LRRC4C: variants seen among roughly 807,000 people sequenced by gnomAD.
LRRC4C encodes leucine-rich repeat-containing protein 4C.
Under a neutral mutation model 33.6 loss-of-function variants are expected in LRRC4C, and 5 were observed. The ratio of observed to expected loss-of-function variants is 0.15; its 90% CI spans 0.08 to 0.31. The LOEUF (loss-of-function observed/expected upper bound fraction) is 0.31, where lower values mean the gene tolerates loss of function less well. LRRC4C is among the 10% of genes least tolerant of loss of function. The pLI is 1.00. For missense variants in LRRC4C, 560 were observed against 796.7 expected, an observed-to-expected ratio of 0.70 and a Z score of 3.58; for synonymous variants, 329 against 302.0, an observed-to-expected ratio of 1.09 and a Z score of -0.93.
chr11:40,440,299 C>CTTTT (rs66998647), intron 3 of LRRC4C, among the ~76,000 whole-genome samples: 1 of 131,862 alleles, frequency 7.6e-6, no homozygotes, highest in Non-Finnish European at 1.6e-5. Context: ...TGGTCTCTTT[C>CTTTT]TTTTTTTTTT....
chr11:40,349,808 T>G (rs34805033), intron 3 of LRRC4C, among the ~76,000 whole-genome samples: 24,330 of 152,102 alleles, frequency 0.16, 2,273 homozygotes, highest in East Asian at 0.3. Flanking sequence ...TCGATTTGCA[T>G]TTCTCTGATG....
At chr11:40,430,549 T>C (rs1950880801) in intron 3 of LRRC4C, among the ~76,000 whole-genome samples, 1 of 152,086 alleles carries the variant, frequency 6.6e-6, no homozygotes, top group Non-Finnish European at 1.5e-5. Flanking sequence ...ATAGATACAA[T>C]TGTCTTCCTA....
intron 1 of LRRC4C, among the ~76,000 whole-genome samples, chr11:41,113,592 A>G (rs1464238540): frequency 6.6e-6 from 1 of 152,086 alleles, no homozygotes; most frequent in Non-Finnish European, 1.5e-5. Flanking sequence ...AGAAGATATA[A>G]TAAAATCTTG....
intron 1 of LRRC4C, among the ~76,000 whole-genome samples, chr11:41,151,690 A>C (rs548348165): frequency 6.6e-6 from 1 of 152,208 alleles, no homozygotes; most frequent in Non-Finnish European, 1.5e-5. Flanking sequence ...ATATTCTGTC[A>C]ACAACCATTA....
chr11:40,138,372 T>C (rs1857131615), intron 6 of LRRC4C, among the ~76,000 whole-genome samples: 1 of 152,180 alleles, frequency 6.6e-6, no homozygotes, highest in South Asian at 2.1e-4. Context: ...GGTCTTGCTA[T>C]GTTGTCCAGG....
intron 5 of LRRC4C, among the ~76,000 whole-genome samples, chr11:40,199,294 C>A (rs1862515189): frequency 6.6e-6 from 1 of 152,168 alleles, no homozygotes. Context: ...TGGCCTCGAA[C>A]TCCTGACCTC....
intron 1 of LRRC4C, among the ~76,000 whole-genome samples, chr11:41,451,006 T>A (rs1015395188): frequency 2.6e-5 from 4 of 152,114 alleles, no homozygotes; most frequent in Admixed American, 2.6e-4. Flanking sequence ...CTGTGCTGCC[T>A]TGTTTAGCAA....
intron 1 of LRRC4C, among the ~76,000 whole-genome samples, chr11:41,440,313 G>A (rs1219538822): frequency 6.6e-6 from 1 of 152,082 alleles, no homozygotes; most frequent in African/African-American, 2.4e-5. Flanking sequence ...GAAAACTAGA[G>A]TGAAAGGGGG....
At chr11:40,151,125 T>G (rs889538888) in intron 5 of LRRC4C, among the ~76,000 whole-genome samples, 2 of 152,174 alleles carry the variant, frequency 1.3e-5, no homozygotes, top group South Asian at 4.1e-4. Flanking sequence ...CTCTTTCTAG[T>G]TTTTGTGGCA....
At chr11:41,435,626 A>G (rs1955399706) in intron 1 of LRRC4C, among the ~76,000 whole-genome samples, 1 of 152,228 alleles carries the variant, frequency 6.6e-6, no homozygotes, top group African/African-American at 2.4e-5. Flanking sequence ...TCATAAGAAA[A>G]TAAATTATCT....
intron 3 of LRRC4C, among the ~76,000 whole-genome samples, chr11:40,450,775 TA>T (rs768633791): frequency 0.019 from 2,427 of 128,986 alleles, 42 homozygotes; most frequent in African/African-American, 0.048. Context: ...CCCTGAAAAT[TA>T]AAAAAAAAAA....
rs1408591940 is a variant in LRRC4C at position 40,730,106 on chromosome 11, G to C, written c.-406-81828C>G. Among the ~76,000 whole-genome samples, 7 of 152,074 alleles carry C rather than the reference G, an allele frequency of 4.6e-5. No individual in the cohort carries two copies. The East Asian group carries it at 1.4e-3, about 29-fold the overall frequency. On this transcript the variant is annotated intron_variant, in intron 2 of 6. Transcript: ENST00000528697. ...AATATCACACTCTGGGGACTGTTGT[G>C]GGGTTGGGGGGGGCAGGGATAGCAT...
At chr11:41,377,921 T>C (rs1217445909) in intron 1 of LRRC4C, among the ~76,000 whole-genome samples, 1 of 152,146 alleles carries the variant, frequency 6.6e-6, no homozygotes, top group Non-Finnish European at 1.5e-5. Context: ...CAGGAGGCAA[T>C]CGCCCTCTTG....
intron 1 of LRRC4C, among the ~76,000 whole-genome samples, chr11:41,096,798 A>G (rs1468780132): frequency 6.6e-6 from 1 of 152,136 alleles, no homozygotes; most frequent in Non-Finnish European, 1.5e-5. Flanking sequence ...AGTCCTAGTA[A>G]AAGATTTTGA....
At chr11:41,004,031 A>C (rs1854563275) in intron 1 of LRRC4C, among the ~76,000 whole-genome samples, 1 of 152,152 alleles carries the variant, frequency 6.6e-6, no homozygotes, top group African/African-American at 2.4e-5. Flanking sequence ...GGCCCAGTGG[A>C]TAGAAAACAG....
intron 3 of LRRC4C, among the ~76,000 whole-genome samples, chr11:40,528,479 A>T (rs1591012198): frequency 7.1e-6 from 1 of 141,778 alleles, no homozygotes; most frequent in South Asian, 2.1e-4. Flanking sequence ...TGTCTTTTAT[A>T]AAAAAAAAAA....
chr11:40,875,235 A>G (rs555405264), intron 2 of LRRC4C, among the ~76,000 whole-genome samples: 1 of 152,324 alleles, frequency 6.6e-6, no homozygotes, highest in South Asian at 2.1e-4. Context: ...ATCTATTTCT[A>G]AAAGAGGATA....
intron 3 of LRRC4C, among the ~76,000 whole-genome samples, chr11:40,393,332 A>T (rs1029079247): frequency 6.6e-6 from 1 of 152,162 alleles, no homozygotes; most frequent in South Asian, 2.1e-4. Flanking sequence ...TAGGTAGTTA[A>T]TTCAACAATA....
At chr11:40,639,115 T>A (rs1395617143) in intron 3 of LRRC4C, among the ~76,000 whole-genome samples, 1 of 151,920 alleles carries the variant, frequency 6.6e-6, no homozygotes, top group Non-Finnish European at 1.5e-5. Flanking sequence ...CAAGTTTTCA[T>A]CTTGCAGATA....
Sources: allele counts gnomAD v4.1 joint callset (sites outside exome capture counted in the v4.1 genomes callset), GRCh38; gene constraint gnomAD v4.1.1; transcripts MANE v1.5; gene names NCBI Gene and HGNC (gene_info 2026-07-23, HGNC 2026-07-21).